The following MRPS18B variants were observed in gnomAD, a reference collection of about 807,000 sequenced individuals.
MRPS18B encodes the protein mitochondrial ribosomal protein S18B, also known as small ribosomal subunit protein mS40.
In MRPS18B, 27 loss-of-function variants were observed where a neutral mutation model predicts 28.4. The observed-to-expected ratio is 0.95, with a 90% CI of 0.70 to 1.31. MRPS18B has a LOEUF of 1.31. Among genes scored for constraint, MRPS18B ranks in the 40% most tolerant of loss-of-function variants. The pLI, the probability that MRPS18B is intolerant of heterozygous loss-of-function variation, is 0.00. For synonymous variants in MRPS18B, 118 were observed against 123.7 expected, an observed-to-expected ratio of 0.95 and a Z score of 0.30; for missense variants, 343 against 335.9, an observed-to-expected ratio of 1.02 and a Z score of -0.17.
chr6:30,626,336 C>T lies in MRPS18B; in HGVS notation c.*539C>T, dbSNP rs922239561. On this transcript the variant is annotated 3_prime_UTR_variant, in exon 7 of 7. Transcript: ENST00000259873. ...GATGGGCTGGGCTAAACATTGTTGCCGTTTCATACTTCTACCAACTCAGCT... is the reference window on the plus strand; with the variant it reads ...GATGGGCTGGGCTAAACATTGTTGCTGTTTCATACTTCTACCAACTCAGCT... 3.6e-5 allele frequency: 6 copies of T among 165,782 alleles called. No individual in the cohort carries two copies. The highest frequency in any genetic ancestry group is 6.5e-5 in the Non-Finnish European group (5 of 76,714). 10.3% of individuals were successfully genotyped at this position (165,782 alleles called of 1,614,324 possible).
Position 30,619,566 on chromosome 6 carries a change from A to G in MRPS18B, c.152A>G (p.Tyr51Cys). Residue 51 changes from tyrosine to cysteine, a missense_variant, in exon 2 of 7, where the codon TAT (tyrosine) becomes TGT (cysteine). By Grantham distance (194) the Tyr-to-Cys change is radical. Transcript: ENST00000259873. ...TTGTCCTCAGTTCCCATTTCTCCTT[A>G]TAAGGATGAGCCCTGGAAATATCTG... The part of the protein sequence containing the change: ...DSLSSVPISP[Y>C]KDEPWKYLES... The G allele has an allele frequency of 1.2e-6, 2 of 1,612,864 alleles. No homozygotes were observed. Among genetic ancestry groups the G allele is most frequent in the Non-Finnish European group, 1.7e-6 (2 of 1,179,932 alleles).
intron 1 of MRPS18B, chr6:30,618,665 A>T (rs1760915297): frequency 6.6e-6 from 1 of 152,144 alleles, no homozygotes; most frequent in Admixed American, 6.5e-5. Flanking sequence ...CAGAAATAAT[A>T]ACAGCCTTGG....
In MRPS18B at chr6:30,619,936, G is replaced by A. The variant is rs781419467; in HGVS notation, c.301G>A (p.Val101Ile). The A allele has an allele frequency of 9.9e-6, 16 of 1,614,196 alleles. No homozygotes were observed. The Admixed American group carries it at 2.7e-4, about 27-fold the overall frequency. The change falls in exon 4 of 7, where the codon GTT becomes ATT. Residue 101 changes from valine (V) to isoleucine (I), a missense_variant. Val to Ile is a conservative substitution (Grantham distance 29, BLOSUM62 3). Transcript: ENST00000259873. ...RKTCIRRNKV[V>I]GNPCPICRDH... Reference sequence around the variant, plus strand: ...CTCTCTACAGCGTCGGAATAAAGTTGTTGGGAATCCCTGCCCCATCTGTCG... The same window carrying A: ...CTCTCTACAGCGTCGGAATAAAGTTATTGGGAATCCCTGCCCCATCTGTCG...
intron 4 of MRPS18B, among the ~76,000 whole-genome samples, chr6:30,620,875 T>G (rs1761114947): frequency 6.6e-6 from 1 of 151,946 alleles, no homozygotes; most frequent in Non-Finnish European, 1.5e-5. Context: ...GCCAGCGAAA[T>G]GGCTATTTCT....
In MRPS18B at chr6:30,624,864, G is replaced by T. The variant is rs1265913475; in HGVS notation, c.422-19G>T. The T allele has an allele frequency of 5.0e-6, 8 of 1,612,216 alleles. No individual in the cohort carries two copies. Among genetic ancestry groups the T allele is most frequent in the Non-Finnish European group, 6.8e-6 (8 of 1,179,324 alleles). On this transcript the variant is annotated intron_variant, in intron 5 of 6. Coordinates refer to ENST00000259873, the MANE Select transcript of MRPS18B (RefSeq NM_014046.4). ...TTATTTACTGTGCCTTAAAGAACAA[G>T]ATATTTTTCTCCCCACAGGAGTCTG...
In MRPS18B at chr6:30,625,703, G is replaced by T; in HGVS notation, c.683G>T (p.Ser228Ile). 1.2e-6 allele frequency: 2 copies of T among 1,613,080 alleles called. No homozygotes were observed. The highest frequency in any genetic ancestry group is 1.7e-6 in the Non-Finnish European group (2 of 1,180,038). Residue 228 changes from serine to isoleucine, a missense_variant, in exon 7 of 7, where the codon AGT becomes ATT. Transcript: ENST00000259873. ...RLYQGHLQEESGPPPESMPKM... is the reference protein window; with the variant it reads ...RLYQGHLQEEIGPPPESMPKM... Reference sequence around the variant, plus strand: ...TACCAGGGTCATCTCCAAGAAGAGAGTGGCCCCCCACCTGAGTCAATGCCC... The same window carrying T: ...TACCAGGGTCATCTCCAAGAAGAGATTGGCCCCCCACCTGAGTCAATGCCC...
chr6:30,619,843 G>A, intron 3 of MRPS18B, 37 bp downstream of exon 3: 1 of 1,608,868 alleles, frequency 6.2e-7, no homozygotes, highest in East Asian at 2.2e-5. Context: ...GTGCGGGGAG[G>A]CCACAAGTAA....
chr6:30,620,548 C>T (rs1440284193), intron 4 of MRPS18B, among the ~76,000 whole-genome samples: 1 of 151,466 alleles, frequency 6.6e-6, no homozygotes, highest in Non-Finnish European at 1.5e-5. Context: ...AATTTACAGT[C>T]TAAATTGGCA....
Position 30,617,959 on chromosome 6 carries a change from A to G in MRPS18B, c.78+16A>G, listed in dbSNP as rs1411080984. 2 of 1,613,804 alleles carry G rather than the reference A, an allele frequency of 1.2e-6. No homozygotes were observed. Among genetic ancestry groups the G allele is most frequent in the Non-Finnish European group, 1.7e-6 (2 of 1,179,766 alleles). ...CAGAGTTCAGGTAACTCTTCGAAAG[A>G]CATTTTGCACAACCTCAAGTTGGTT... On this transcript the variant is annotated intron_variant, in intron 1 of 6. Coordinates refer to ENST00000259873, the MANE Select transcript of MRPS18B (RefSeq NM_014046.4).
rs17189183 is a variant in MRPS18B, at chr6:30,617,845, C to T, written c.-21C>T. 909 of 1,614,150 alleles carry T rather than the reference C, an allele frequency of 5.6e-4. 3 individuals are homozygous for T. The highest frequency in any genetic ancestry group is 8.4e-4 in the African/African-American group (63 of 75,070). On this transcript the variant is annotated 5_prime_UTR_variant, in exon 1 of 7. Coordinates refer to ENST00000259873, the MANE Select transcript of MRPS18B (RefSeq NM_014046.4). Reference sequence around the variant, plus strand: ...TGCGCAGTTGCCTTTCCGTCAATTCCTGTCCTGGGCGTACGTCAAGATGGC... The same window carrying T: ...TGCGCAGTTGCCTTTCCGTCAATTCTTGTCCTGGGCGTACGTCAAGATGGC...
rs1332911051 is a variant in MRPS18B at position 30,625,938 on chromosome 6, C to CA, written c.*147dup. 8.2e-6 allele frequency: 7 copies of CA among 849,976 alleles called. No homozygotes were observed. Among genetic ancestry groups the CA allele is most frequent in the Non-Finnish European group, 1.3e-5 (7 of 559,488 alleles). The allele number at this position is 849,976 out of a possible 1,614,324, so 52.7% of individuals were successfully genotyped here. Reference sequence around the variant, plus strand: ...CACCATGGTGAAACCTCGTCTTTACCAAAAAATACAAAAATTAGCTGGGTG... The same window carrying CA: ...CACCATGGTGAAACCTCGTCTTTACCAAAAAAATACAAAAATTAGCTGGGTG... On this transcript the variant is annotated 3_prime_UTR_variant, in exon 7 of 7. Coordinates refer to ENST00000259873, the MANE Select transcript of MRPS18B (RefSeq NM_014046.4).
Position 30,622,849 on chromosome 6 carries a change from G to A in MRPS18B, c.372G>A (p.Glu124=). ...CCCCACAGAACGTGAAGCTCTTGGA[G>A]CAATTTGTCTGCGCCCACACGGGTA... ...HVDFRNVKLL[E]QFVCAHTGII... Residue 124 remains glutamate, a synonymous_variant, in exon 5 of 7, where the codon GAG becomes GAA. Transcript: ENST00000259873. The A allele has an allele frequency of 6.2e-7, 1 of 1,613,070 alleles. No individual in the cohort carries two copies. The highest frequency in any genetic ancestry group is 2.2e-5 in the East Asian group (1 of 44,888).
rs1199362115 is a variant in MRPS18B at position 30,626,389 on chromosome 6, G to C, written c.*592G>C. On this transcript the variant is annotated 3_prime_UTR_variant, in exon 7 of 7. Coordinates refer to ENST00000259873, the MANE Select transcript of MRPS18B (RefSeq NM_014046.4). The stretch of plus-strand genomic sequence containing the variant: ...TACACAATAAAGCTCTACTGTCTCT[G>C]GTTTGCTTTGGGCTGTTTCCGATGA... The C allele has an allele frequency of 5.7e-6, 1 of 175,034 alleles. No homozygotes were observed. Among genetic ancestry groups the C allele is most frequent in the Non-Finnish European group, 1.2e-5 (1 of 82,054 alleles). The allele number at this position is 175,034 out of a possible 1,614,324, so 10.8% of individuals were successfully genotyped here. A position where few individuals can be genotyped will look rare whatever the true frequency, so the allele number is the denominator to read the frequency against.
rs1761581707 is a variant in MRPS18B, at chr6:30,626,156, G to A, written c.*359G>A. 1 of 255,238 alleles carries A rather than the reference G, an allele frequency of 3.9e-6. No homozygotes were observed. Among genetic ancestry groups the A allele is most frequent in the Non-Finnish European group, 7.5e-6 (1 of 134,014 alleles). The allele number at this position is 255,238 out of a possible 1,614,324, so 15.8% of individuals were successfully genotyped here. On this transcript the variant is annotated 3_prime_UTR_variant, in exon 7 of 7. Coordinates refer to ENST00000259873, the MANE Select transcript of MRPS18B (RefSeq NM_014046.4). ...GGGACTAGGAGATAATGTGTATGTA[G>A]GTTTATGTGATGGGATATCACCCTG...
Position 30,619,539 on chromosome 6 carries a change from C to A in MRPS18B, c.125C>A (p.Ser42Tyr). The change falls in exon 2 of 7, where the codon TCT (serine) becomes TAT (tyrosine). Residue 42 changes from serine (S) to tyrosine (Y), a missense_variant. By Grantham distance (144) the Ser-to-Tyr change is moderately radical. Transcript: ENST00000259873. ...LCTKAPSEEDSLSSVPISPYK... is the reference protein window; with the variant it reads ...LCTKAPSEEDYLSSVPISPYK... ...ACCAAAGCTCCCTCTGAGGAAGATT[C>A]TTTGTCCTCAGTTCCCATTTCTCCT... 1 of 1,613,006 alleles carries A rather than the reference C, an allele frequency of 6.2e-7. No homozygotes were observed. The highest frequency in any genetic ancestry group is 8.5e-7 in the Non-Finnish European group (1 of 1,180,002).
Position 30,623,046 on chromosome 6 carries a change from G to A in MRPS18B, c.421+148G>A, listed in dbSNP as rs1285815849. The A allele has an allele frequency of 1.0e-5, 8 of 770,980 alleles. No individual in the cohort carries two copies. In the East Asian group the frequency reaches 2.2e-4, roughly 21 times the overall value. The allele number at this position is 770,980 out of a possible 1,614,324, so 47.8% of individuals were successfully genotyped here. ...TTTTGGAAATCTTGGCTTGCTGGGG[G>A]CTAAAGTAATTAAATGTGGACAAAA... On this transcript the variant is annotated intron_variant, in intron 5 of 6. Transcript: ENST00000259873.
intron 4 of MRPS18B, among the ~76,000 whole-genome samples, chr6:30,621,417 AAG>A (rs1761151075): frequency 1.3e-5 from 2 of 152,114 alleles, no homozygotes; most frequent in African/African-American, 2.4e-5. Context: ...ACAAAACAAA[AAG>A]AATTTGAAAA....
chr6:30,625,047 C>A, intron 6 of MRPS18B, 105 bp downstream of exon 6: 1 of 1,222,644 alleles, frequency 8.2e-7, no homozygotes, highest in East Asian at 2.4e-5. Flanking sequence ...GATGGTAGCA[C>A]CCAGCATGTT....
At chr6:30,618,191 A>G (rs774067958) in intron 1 of MRPS18B, among the ~76,000 whole-genome samples, 2 of 151,970 alleles carry the variant, frequency 1.3e-5, no homozygotes, top group Non-Finnish European at 2.9e-5. Context: ...AAGTGATGGA[A>G]TTGACCCCTG....
Sources: allele counts gnomAD v4.1 joint callset (sites outside exome capture counted in the v4.1 genomes callset), GRCh38; gene constraint gnomAD v4.1.1; transcripts MANE v1.5; gene names NCBI Gene and HGNC (gene_info 2026-07-23, HGNC 2026-07-21).